Variants in PTPRN2 observed in about 807,000 individuals in gnomAD.
PTPRN2 encodes receptor-type tyrosine-protein phosphatase N2.
A neutral mutation model predicts 118.8 loss-of-function variants in PTPRN2; 74 were observed. The ratio of observed to expected loss-of-function variants is 0.62; its 90% CI spans 0.52 to 0.76. The LOEUF (loss-of-function observed/expected upper bound fraction) is 0.76. Ranked by LOEUF, PTPRN2 falls within the 30% of genes least tolerant of loss-of-function variation. PTPRN2 has a pLI of 0.00. For missense variants in PTPRN2, 1,481 were observed against 1,394.4 expected (o/e 1.06, Z -0.99); for synonymous variants, 641 against 608.0 (o/e 1.05, Z -0.80).
At chr7:157,701,974 G>C (rs1346260248) in intron 12 of PTPRN2, among the ~76,000 whole-genome samples, 1 of 150,590 alleles carries the variant, frequency 6.6e-6, no homozygotes. Flanking sequence ...GACGCGGGCT[G>C]TGGGTTTGTA....
intron 1 of PTPRN2, among the ~76,000 whole-genome samples, chr7:158,584,373 G>T (rs902909624): frequency 2.6e-5 from 4 of 152,202 alleles, no homozygotes; most frequent in African/African-American, 9.6e-5. Context: ...CCTGCACAAA[G>T]GATGCCCTGA....
At chr7:157,910,444 GGCACGTACGCCGGATCAC>G (rs974274813) in intron 11 of PTPRN2, among the ~76,000 whole-genome samples, 8 of 125,358 alleles carry the variant, frequency 6.4e-5, no homozygotes, top group Admixed American at 5.0e-4. Flanking sequence ...TCCAGGATCA[GGCACGTACGCCGGATCAC>G]GCACGTACGC....
chr7:157,918,725 A>G (rs1453710812), intron 11 of PTPRN2, among the ~76,000 whole-genome samples: 1 of 152,250 alleles, frequency 6.6e-6, no homozygotes, highest in Non-Finnish European at 1.5e-5. Context: ...ATGTTAGATT[A>G]GATTATAAAA....
At chr7:158,520,947 A>AG (rs1035681750) in intron 1 of PTPRN2, among the ~76,000 whole-genome samples, 2 of 152,150 alleles carry the variant, frequency 1.3e-5, no homozygotes, top group Non-Finnish European at 2.9e-5. Context: ...GCAGGCCATG[A>AG]GGGCCTGGCC....
intron 2 of PTPRN2, among the ~76,000 whole-genome samples, chr7:158,343,421 G>A (rs1807221452): frequency 6.6e-6 from 1 of 152,204 alleles, no homozygotes; most frequent in Non-Finnish European, 1.5e-5. Context: ...ACGCGTGTGG[G>A]TGAGAACATG....
At position 157,994,690 on chromosome 7, in the gene PTPRN2, G is replaced by A. The variant is rs1439139556; in HGVS notation, c.1723+86608C>T. 2.7e-3 allele frequency among the ~76,000 whole-genome samples: 331 copies of A among 124,380 alleles called. 1 individual carries two copies. Among genetic ancestry groups the A allele is most frequent in the Non-Finnish European group, 4.3e-3 (260 of 60,252 alleles). The allele number at this position is 124,380 out of a possible 152,430, so 81.6% of individuals were successfully genotyped here. A position where few individuals can be genotyped will look rare whatever the true frequency, so the allele number is the denominator to read the frequency against. On this transcript the variant is annotated intron_variant, in intron 11 of 22. Transcript: ENST00000389418. ...TCCTAAAATCAACGCCGCGTCCCCAGCTTACAGCTCCTTGTTCCTAAAATC... is the reference window on the plus strand; with the variant it reads ...TCCTAAAATCAACGCCGCGTCCCCAACTTACAGCTCCTTGTTCCTAAAATC...
At chr7:158,071,598 C>CTGG (rs1397235953) in intron 11 of PTPRN2, among the ~76,000 whole-genome samples, 82 of 7,420 alleles carry the variant, frequency 0.011, 10 homozygotes, top group East Asian at 0.018. Flanking sequence ...GGAGGTGCTC[C>CTGG]TGGTGGAGGT....
At chr7:158,155,713 C>T (rs1821735529) in intron 6 of PTPRN2, among the ~76,000 whole-genome samples, 1 of 133,312 alleles carries the variant, frequency 7.5e-6, no homozygotes, top group African/African-American at 3.3e-5. Flanking sequence ...TCACCGTCAA[C>T]ACCATCATCA....
At chr7:158,321,051 G>T (rs1362587053) in intron 2 of PTPRN2, among the ~76,000 whole-genome samples, 2 of 152,048 alleles carry the variant, frequency 1.3e-5, no homozygotes, top group African/African-American at 4.8e-5. Flanking sequence ...TAGAGAAAAG[G>T]ACTGGAAAGT....
At chr7:157,743,193 G>T (rs577429929) in intron 12 of PTPRN2, among the ~76,000 whole-genome samples, 1 of 152,220 alleles carries the variant, frequency 6.6e-6, no homozygotes, top group Non-Finnish European at 1.5e-5. Flanking sequence ...CTCTTGGGGT[G>T]AGGGCAGGGG....
chr7:158,323,488 G>A (rs962671058), intron 2 of PTPRN2, among the ~76,000 whole-genome samples: 12 of 152,218 alleles, frequency 7.9e-5, no homozygotes, highest in African/African-American at 2.4e-4. Flanking sequence ...CAGGGCCCAG[G>A]ACAATGGACA....
At chr7:158,064,516 G>A (rs543214640) in intron 11 of PTPRN2, among the ~76,000 whole-genome samples, 5 of 152,248 alleles carry the variant, frequency 3.3e-5, no homozygotes, top group Non-Finnish European at 5.9e-5. Flanking sequence ...TGGTCACGCC[G>A]GACACTGCCC....
intron 2 of PTPRN2, among the ~76,000 whole-genome samples, chr7:158,378,718 A>G (rs1486980978): frequency 6.6e-6 from 1 of 151,222 alleles, no homozygotes; most frequent in Non-Finnish European, 1.5e-5. Flanking sequence ...CATCCAACTC[A>G]GTTGCTTTCT....
intron 12 of PTPRN2, among the ~76,000 whole-genome samples, chr7:157,767,358 A>G (rs1205699856): frequency 1.3e-5 from 2 of 152,176 alleles, no homozygotes; most frequent in African/African-American, 4.8e-5. Flanking sequence ...TTGGTTTTAC[A>G]ATGAGACTGA....
At position 158,138,460 on chromosome 7, in the gene PTPRN2, C is replaced by T. The variant is rs748591583; in HGVS notation, c.966G>A (p.Arg322=). 3.1e-6 allele frequency: 5 copies of T among 1,613,154 alleles called. No homozygotes were observed. The highest frequency in any genetic ancestry group is 1.7e-5 in the Admixed American group (1 of 60,028). Residue 322 remains arginine (R), a synonymous_variant, in exon 7 of 23, where the codon AGG becomes AGA. Coordinates refer to ENST00000389418, the MANE Select transcript of PTPRN2 (RefSeq NM_002847.5). ...CGTCCAGCTCCAGGCCACTCAGGCC[C>T]CTCACCTCAGCCGGCTGCCTCTGCA... The part of the protein sequence containing the change: ...KDLQRQPAEV[R]GLSGLELDGM...
chr7:157,575,180 G>A (rs1009902187), intron 19 of PTPRN2, among the ~76,000 whole-genome samples: 4 of 152,278 alleles, frequency 2.6e-5, no homozygotes, highest in Non-Finnish European at 5.9e-5. Flanking sequence ...ACGCAAAGAC[G>A]GGGTGTTAAG....
intron 12 of PTPRN2, among the ~76,000 whole-genome samples, chr7:157,896,684 C>T (rs1373940207): frequency 6.6e-6 from 1 of 151,916 alleles, no homozygotes; most frequent in African/African-American, 2.4e-5. Flanking sequence ...GAGGTGCTGT[C>T]CCCCAGGCTC....
At chr7:158,466,727 TAC>T (rs1428728729) in intron 2 of PTPRN2, among the ~76,000 whole-genome samples, 1 of 152,200 alleles carries the variant, frequency 6.6e-6, no homozygotes, top group East Asian at 1.9e-4. Flanking sequence ...TTGAGGAACC[TAC>T]ACACTGTTTC....
intron 12 of PTPRN2, chr7:157,865,419 C>T (rs1246411242): frequency 6.6e-6 from 1 of 152,202 alleles, no homozygotes; most frequent in African/African-American, 2.4e-5. Context: ...GGTGACCCCA[C>T]CTCACCTAAA....
Sources: allele counts gnomAD v4.1 joint callset (sites outside exome capture counted in the v4.1 genomes callset), GRCh38; gene constraint gnomAD v4.1.1; transcripts MANE v1.5; gene names NCBI Gene and HGNC (gene_info 2026-07-23, HGNC 2026-07-21).